Variants in CNTN3 observed in about 807,000 individuals in gnomAD.
CNTN3 encodes the protein contactin 3.
Under a neutral mutation model 119.1 loss-of-function variants are expected in CNTN3, and 60 were observed. That is an observed-to-expected ratio of 0.50 (90% confidence interval 0.41 to 0.62). The LOEUF (loss-of-function observed/expected upper bound fraction) is 0.62. Ranked by LOEUF, CNTN3 falls within the 20% of genes least tolerant of loss-of-function variation. The probability of loss-of-function intolerance (pLI) is 0.00; values close to 1 mark genes in which losing one functional copy is unlikely to be tolerated. For missense variants in CNTN3, 1,101 were observed against 1,242.4 expected, an observed-to-expected ratio of 0.89 and a Z score of 1.71; for synonymous variants, 450 against 438.7, an observed-to-expected ratio of 1.03 and a Z score of -0.32.
chr3:74,492,353 CT>C, intron 3 of CNTN3, among the ~76,000 whole-genome samples: 1 of 152,272 alleles, frequency 6.6e-6, no homozygotes, highest in East Asian at 1.9e-4. Context: ...TACTGGCCTA[CT>C]TAAGGGAGCG....
intron 4 of CNTN3, among the ~76,000 whole-genome samples, chr3:74,428,804 T>G (rs149370157): frequency 6.6e-6 from 1 of 152,166 alleles, no homozygotes; most frequent in Non-Finnish European, 1.5e-5. Context: ...TCCCGCAAGC[T>G]CCATTCATGG....
At chr3:74,612,212 C>A (rs915853798) in intron 1 of CNTN3, among the ~76,000 whole-genome samples, 1 of 152,012 alleles carries the variant, frequency 6.6e-6, no homozygotes, top group African/African-American at 2.4e-5. Flanking sequence ...GAGAAAGATG[C>A]ATATTTTGCA....
chr3:74,488,580 T>C (rs558552725), intron 3 of CNTN3, among the ~76,000 whole-genome samples: 2 of 152,212 alleles, frequency 1.3e-5, no homozygotes, highest in Non-Finnish European at 2.9e-5. Flanking sequence ...CATAATGAAG[T>C]TTTAATGACT....
chr3:74,466,996 C>A (rs964318940), intron 4 of CNTN3, among the ~76,000 whole-genome samples: 2 of 152,004 alleles, frequency 1.3e-5, no homozygotes, highest in African/African-American at 4.8e-5. Context: ...AATTAAATAA[C>A]CAAAGTGATG....
rs78480881 is a variant in CNTN3, at chr3:74,528,450, C to T, written c.-80-7258G>A. 9.2e-5 allele frequency among the ~76,000 whole-genome samples: 14 copies of T among 151,978 alleles called. No homozygotes were observed. The East Asian group carries it at 2.5e-3, about 27-fold the overall frequency. On this transcript the variant is annotated intron_variant, in intron 1 of 22. Coordinates refer to ENST00000263665, the MANE Select transcript of CNTN3 (RefSeq NM_020872.3). ...ATTTACCAACTGGAAAATGTAGTGG[C>T]AACTCTAAGAATCAATTTTGTTTTA...
At chr3:74,391,557 C>CTTTTTTTTTTTTTTTTTTTTTTT (rs554976641) in intron 5 of CNTN3, among the ~76,000 whole-genome samples, 30 of 87,028 alleles carry the variant, frequency 3.4e-4, no homozygotes, top group African/African-American at 1.3e-3. Flanking sequence ...CCCATAGTTT[C>CTTTTTTTTTTTTTTTTTTTTTTT]TTTTTTTTTT....
At chr3:74,496,823 C>T (rs1194451439) in intron 3 of CNTN3, among the ~76,000 whole-genome samples, 2 of 151,972 alleles carry the variant, frequency 1.3e-5, no homozygotes, top group Admixed American at 6.6e-5. Flanking sequence ...CTCAATTAAA[C>T]CCTAAGACGA....
At chr3:74,306,653 T>C (rs1231905629) in intron 13 of CNTN3, among the ~76,000 whole-genome samples, 4 of 152,158 alleles carry the variant, frequency 2.6e-5, no homozygotes, top group Admixed American at 2.6e-4. Context: ...TATGCTGCTG[T>C]CCACAATTTA....
intron 1 of CNTN3, among the ~76,000 whole-genome samples, chr3:74,565,725 G>A (rs915371954): frequency 6.6e-6 from 1 of 152,146 alleles, no homozygotes; most frequent in Non-Finnish European, 1.5e-5. Flanking sequence ...CTGCCAAAAT[G>A]TGATGATAAT....
intron 1 of CNTN3, among the ~76,000 whole-genome samples, chr3:74,535,896 C>T (rs9813087): frequency 2.8e-4 from 43 of 152,086 alleles, no homozygotes; most frequent in African/African-American, 9.9e-4. Flanking sequence ...AAACCTCTAA[C>T]CAAAATGTAT....
At chr3:74,465,690 A>G (rs1347363956) in intron 4 of CNTN3, among the ~76,000 whole-genome samples, 2 of 152,196 alleles carry the variant, frequency 1.3e-5, no homozygotes, top group Non-Finnish European at 2.9e-5. Context: ...TCTATCTGAC[A>G]ACAGCATATT....
intron 1 of CNTN3, among the ~76,000 whole-genome samples, chr3:74,574,448 G>C (rs556715408): frequency 6.6e-6 from 1 of 152,240 alleles, no homozygotes; most frequent in South Asian, 2.1e-4. Flanking sequence ...GGGTATACTG[G>C]CTTAGAACAT....
chr3:74,451,989 G>A (rs1196371558), intron 4 of CNTN3, among the ~76,000 whole-genome samples: 1 of 136,230 alleles, frequency 7.3e-6, no homozygotes, highest in Non-Finnish European at 1.6e-5. Context: ...GATTGACTTG[G>A]CGATGCAGGC....
At chr3:74,505,468 G>A (rs79373077) in intron 2 of CNTN3, among the ~76,000 whole-genome samples, 1 of 98,950 alleles carries the variant, frequency 1.0e-5, no homozygotes, top group African/African-American at 3.4e-5. Flanking sequence ...GTGTGTGTGT[G>A]TGTATAAAAT....
intron 1 of CNTN3, among the ~76,000 whole-genome samples, chr3:74,554,316 T>C (rs1039500772): frequency 6.6e-6 from 1 of 152,208 alleles, no homozygotes; most frequent in Non-Finnish European, 1.5e-5. Context: ...TTTTGGTTAC[T>C]GTAGCTTTGT....
intron 19 of CNTN3, among the ~76,000 whole-genome samples, chr3:74,292,040 TC>T (rs1702242448): frequency 6.6e-6 from 1 of 152,138 alleles, no homozygotes; most frequent in Non-Finnish European, 1.5e-5. Flanking sequence ...CCTGTGACCC[TC>T]CAAGAAACAC....
At position 74,302,699 on chromosome 3, in the gene CNTN3, T is replaced by C. The variant is rs766453948; in HGVS notation, c.1777A>G (p.Ile593Val). The change falls in exon 14 of 23, where the codon ATA (isoleucine) becomes GTA (valine). Residue 593 changes from isoleucine (I) to valine (V), a missense_variant. Coordinates refer to ENST00000263665, the MANE Select transcript of CNTN3 (RefSeq NM_020872.3). The part of the protein sequence containing the change: ...VDSVSSAADL[I>V]VRGSPGPPEN... ...GGCATAAATGTTTTACCTCTTACTATGAGGTCAGCAGCAGATGAAACACTG... is the reference window on the plus strand; with the variant it reads ...GGCATAAATGTTTTACCTCTTACTACGAGGTCAGCAGCAGATGAAACACTG... The C allele has an allele frequency of 1.8e-5, 28 of 1,599,078 alleles. No individual in the cohort carries two copies. The highest frequency in any genetic ancestry group is 2.4e-5 in the Non-Finnish European group (28 of 1,166,992).
rs60363169 is a variant in CNTN3 at position 74,580,150 on chromosome 3, T to C, written c.-81+34241A>G. Among the ~76,000 whole-genome samples the C allele has an allele frequency of 9.1e-3, 1,379 of 152,266 alleles. 53 individuals carry two copies. The highest frequency in any genetic ancestry group is 0.085 in the East Asian group (440 of 5,180). On this transcript the variant is annotated intron_variant, in intron 1 of 22. Coordinates refer to ENST00000263665, the MANE Select transcript of CNTN3 (RefSeq NM_020872.3). ...ACCAATAAATTCACGACATTTGATA[T>C]AAAGAACAAATTACTTCAAAGACAC...
intron 4 of CNTN3, among the ~76,000 whole-genome samples, chr3:74,431,941 A>G (rs1313958154): frequency 6.6e-6 from 1 of 152,214 alleles, no homozygotes; most frequent in East Asian, 1.9e-4. Flanking sequence ...ATTTGATGCT[A>G]TGAGGTGAAG....
Sources: allele counts gnomAD v4.1 joint callset (sites outside exome capture counted in the v4.1 genomes callset), GRCh38; gene constraint gnomAD v4.1.1; transcripts MANE v1.5; gene names NCBI Gene and HGNC (gene_info 2026-07-23, HGNC 2026-07-21).